Variants in MARCHF4 observed in about 807,000 individuals in gnomAD.
MARCHF4 encodes the protein E3 ubiquitin-protein ligase MARCHF4.
MARCHF4 carries 14 observed loss-of-function variants against 43.9 expected under a neutral mutation model. That is an observed-to-expected ratio of 0.32 (90% CI 0.21 to 0.50). The LOEUF is 0.50. MARCHF4 is among the 20% of genes least tolerant of loss of function. MARCHF4 has a pLI of 0.98. For missense variants in MARCHF4, 468 were observed against 536.7 expected (o/e 0.87, Z 1.27); for synonymous variants, 226 against 213.3 (o/e 1.06, Z -0.52).
chr2:216,316,254 C>A (rs1304988362), intron 1 of MARCHF4, among the ~76,000 whole-genome samples: 1 of 152,214 alleles, frequency 6.6e-6, no homozygotes, highest in Non-Finnish European at 1.5e-5. Context: ...GTCACTTGTC[C>A]TGATAGCTCT....
At chr2:216,284,517 G>A (rs1203913551) in intron 1 of MARCHF4, among the ~76,000 whole-genome samples, 1 of 152,222 alleles carries the variant, frequency 6.6e-6, no homozygotes, top group African/African-American at 2.4e-5. Flanking sequence ...CCAGTCTGGA[G>A]TGCAGTGGCA....
chr2:216,353,799 C>T (rs928229722), intron 1 of MARCHF4, among the ~76,000 whole-genome samples: 5 of 152,196 alleles, frequency 3.3e-5, no homozygotes, highest in African/African-American at 1.2e-4. Context: ...GTGCCCACCT[C>T]GGCCTCCCAA....
intron 1 of MARCHF4, among the ~76,000 whole-genome samples, chr2:216,323,047 A>C (rs1282726303): frequency 1.3e-5 from 2 of 152,180 alleles, no homozygotes; most frequent in African/African-American, 4.8e-5. Context: ...GCCCATAAGA[A>C]TCCAATGGTA....
At chr2:216,279,608 T>C (rs1559088267) in intron 2 of MARCHF4, among the ~76,000 whole-genome samples, 1 of 152,192 alleles carries the variant, frequency 6.6e-6, no homozygotes, top group Non-Finnish European at 1.5e-5. Flanking sequence ...ATGGAAGCAT[T>C]TGATTCATTC....
chr2:216,307,040 C>T (rs953155381), intron 1 of MARCHF4, among the ~76,000 whole-genome samples: 3 of 152,076 alleles, frequency 2.0e-5, no homozygotes, highest in Non-Finnish European at 4.4e-5. Context: ...CAACAGACTG[C>T]CACTGTGCTC....
At chr2:216,289,633 G>A (rs1691276144) in intron 1 of MARCHF4, among the ~76,000 whole-genome samples, 1 of 152,184 alleles carries the variant, frequency 6.6e-6, no homozygotes, top group Admixed American at 6.5e-5. Context: ...TCTTGCTTCT[G>A]GAGTCCCTAG....
intron 3 of MARCHF4, among the ~76,000 whole-genome samples, chr2:216,271,428 C>T (rs1690935286): frequency 6.6e-6 from 1 of 152,200 alleles, no homozygotes; most frequent in African/African-American, 2.4e-5. Context: ...GAGTCAATTG[C>T]TCTCTGCTCT....
At chr2:216,352,343 G>A (rs1294310092) in intron 1 of MARCHF4, among the ~76,000 whole-genome samples, 3 of 152,232 alleles carry the variant, frequency 2.0e-5, no homozygotes, top group Non-Finnish European at 4.4e-5. Context: ...GAGCTCCCAA[G>A]TCAAGGGAAA....
intron 1 of MARCHF4, among the ~76,000 whole-genome samples, chr2:216,367,674 C>T (rs1298128585): frequency 6.6e-6 from 1 of 152,148 alleles, no homozygotes; most frequent in Admixed American, 6.5e-5. Flanking sequence ...GAGCCCATTC[C>T]TTTACTGGTG....
intron 1 of MARCHF4, among the ~76,000 whole-genome samples, chr2:216,356,109 C>CA (rs1401440171): frequency 6.6e-6 from 1 of 152,258 alleles, no homozygotes; most frequent in Non-Finnish European, 1.5e-5. Flanking sequence ...TAAAAATATA[C>CA]AACCCACATT....
At chr2:216,274,752 C>A (rs745792456) in intron 3 of MARCHF4, among the ~76,000 whole-genome samples, 1 of 152,184 alleles carries the variant, frequency 6.6e-6, no homozygotes, top group East Asian at 1.9e-4. Context: ...TGAACTGAGA[C>A]TTCTACTCTG....
intron 1 of MARCHF4, among the ~76,000 whole-genome samples, chr2:216,315,447 T>C (rs1264865520): frequency 1.3e-5 from 2 of 152,186 alleles, no homozygotes; most frequent in Non-Finnish European, 2.9e-5. Flanking sequence ...GCACCCTCAG[T>C]TCTGCAGAAA....
intron 1 of MARCHF4, among the ~76,000 whole-genome samples, chr2:216,320,770 A>G (rs1249563202): frequency 6.7e-6 from 1 of 149,630 alleles, no homozygotes; most frequent in Admixed American, 6.6e-5. Context: ...TCCCAGGTTC[A>G]AATGATTCTC....
chr2:216,349,209 T>C (rs1048057423), intron 1 of MARCHF4, among the ~76,000 whole-genome samples: 3 of 152,220 alleles, frequency 2.0e-5, no homozygotes, highest in Non-Finnish European at 4.4e-5. Flanking sequence ...GAGAGAATGA[T>C]GTACTAACCA....
chr2:216,323,613 C>T (rs970040926), intron 1 of MARCHF4, among the ~76,000 whole-genome samples: 1 of 152,192 alleles, frequency 6.6e-6, no homozygotes, highest in African/African-American at 2.4e-5. Flanking sequence ...AACAAACTAT[C>T]TCTCAGACCA....
intron 1 of MARCHF4, among the ~76,000 whole-genome samples, chr2:216,319,693 T>G (rs1691848313): frequency 6.6e-6 from 1 of 152,198 alleles, no homozygotes; most frequent in African/African-American, 2.4e-5. Flanking sequence ...TTCTTTGACT[T>G]CAGGCTCTGG....
intron 3 of MARCHF4, 74 bp downstream of exon 3, chr2:216,277,598 G>A: frequency 7.0e-7 from 1 of 1,433,056 alleles, no homozygotes; most frequent in Non-Finnish European, 9.4e-7. Context: ...CCACAGTGGG[G>A]GATCCTGAGG....
At chr2:216,307,538 G>C (rs529939859) in intron 1 of MARCHF4, among the ~76,000 whole-genome samples, 1 of 150,776 alleles carries the variant, frequency 6.6e-6, no homozygotes, top group Non-Finnish European at 1.5e-5. Context: ...TCAAATCAAC[G>C]TTTTTTTTTG....
chr2:216,341,327 C>T (rs1692232641), intron 1 of MARCHF4, among the ~76,000 whole-genome samples: 1 of 152,238 alleles, frequency 6.6e-6, no homozygotes, highest in African/African-American at 2.4e-5. Context: ...AAGGCACCAG[C>T]TGCATCCCTC....
Sources: allele counts gnomAD v4.1 joint callset (sites outside exome capture counted in the v4.1 genomes callset), GRCh38; gene constraint gnomAD v4.1.1; transcripts MANE v1.5; gene names NCBI Gene and HGNC (gene_info 2026-07-23, HGNC 2026-07-21).